PRDM2: variants seen among roughly 807,000 people sequenced by gnomAD.
PRDM2 encodes the protein PR/SET domain 2, also known as PR domain zinc finger protein 2.
A neutral mutation model predicts 130.0 loss-of-function variants in PRDM2; 30 were observed. The ratio of observed to expected loss-of-function variants is 0.23; its 90% CI spans 0.17 to 0.31. The LOEUF is 0.31. Among genes scored for constraint, PRDM2 ranks in the 10% least tolerant of loss-of-function variants. The pLI, the probability that PRDM2 is intolerant of heterozygous loss-of-function variation, is 1.00. For missense variants in PRDM2, 2,011 were observed against 2,108.4 expected (o/e 0.95, Z 0.90); for synonymous variants, 871 against 782.4 (o/e 1.11, Z -1.89).
intron 4 of PRDM2, 81 bp downstream of exon 4, chr1:13,732,963 T>C: frequency 1.0e-6 from 1 of 995,358 alleles, no homozygotes; most frequent in Non-Finnish European, 1.5e-6. Flanking sequence ...ACATTTTGAA[T>C]TTAAAACAAT....
chr1:13,747,769 C>CAAA lies in PRDM2; in HGVS notation c.385-1574_385-1572dup, dbSNP rs78988090. The stretch of plus-strand genomic sequence containing the variant: ...ACCGTAGGTGGAATCTCCCTCCCCG[C>CAAA]AAAAAAAAAAAAAAAAAAAAGAAAC... On this transcript the variant is annotated intron_variant, in intron 5 of 9. Coordinates refer to ENST00000311066, the MANE Select transcript of PRDM2 (RefSeq NM_001393986.1). Among the ~76,000 whole-genome samples the CAAA allele has an allele frequency of 5.2e-4, 25 of 48,352 alleles. 1 individual carries two copies. The highest frequency in any genetic ancestry group is 1.2e-3 in the East Asian group (2 of 1,640). The allele number at this position is 48,352 out of a possible 152,430, so 31.7% of individuals were successfully genotyped here.
chr1:13,758,412 A>C lies in PRDM2; in HGVS notation c.511+8925A>C, dbSNP rs1014540778. 3.2e-4 allele frequency among the ~76,000 whole-genome samples: 48 copies of C among 148,982 alleles called. 1 individual carries two copies. Among genetic ancestry groups the C allele is most frequent in the African/African-American group, 1.2e-3 (48 of 40,308 alleles). On this transcript the variant is annotated intron_variant, in intron 6 of 9. Transcript: ENST00000311066. ...CAGTGAGCCGAGATCGCACCACTGC[A>C]CTCCAGCCTGGGCAGCAGAGTGAGA...
At chr1:13,763,864 A>G (rs1644162017) in intron 6 of PRDM2, among the ~76,000 whole-genome samples, 2 of 151,998 alleles carry the variant, frequency 1.3e-5, no homozygotes, top group Admixed American at 6.5e-5. Context: ...TATCCTCTTG[A>G]TTTTCCTTAA....
intron 8 of PRDM2, chr1:13,786,371 C>A (rs1644739760): frequency 2.7e-6 from 3 of 1,103,550 alleles, no homozygotes; most frequent in Admixed American, 4.6e-5. Context: ...GGGTAGGACG[C>A]TCGTTCCTAA....
At chr1:13,726,978 A>G (rs144177741) in intron 2 of PRDM2, among the ~76,000 whole-genome samples, 105 of 152,108 alleles carry the variant, frequency 6.9e-4, no homozygotes, top group African/African-American at 2.5e-3. Context: ...GATGACTTCT[A>G]TTCTGCTTAT....
intron 1 of PRDM2, among the ~76,000 whole-genome samples, chr1:13,709,530 G>A (rs1423596104): frequency 1.3e-5 from 2 of 152,280 alleles, no homozygotes; most frequent in East Asian, 1.9e-4. Flanking sequence ...AGTGTTAGAC[G>A]ACACTACAAA....
chr1:13,767,928 A>G (rs1405698073), intron 6 of PRDM2, among the ~76,000 whole-genome samples: 1 of 152,070 alleles, frequency 6.6e-6, no homozygotes, highest in Non-Finnish European at 1.5e-5. Flanking sequence ...GTGAATCGAG[A>G]TCATGCCATC....
At chr1:13,797,735 C>T (rs569472188) in intron 8 of PRDM2, among the ~76,000 whole-genome samples, 4 of 152,278 alleles carry the variant, frequency 2.6e-5, no homozygotes, top group Middle Eastern at 3.4e-3. Context: ...TAAAAAATCA[C>T]CTGGGTGATT....
chr1:13,759,271 A>G (rs1288118364), intron 6 of PRDM2, among the ~76,000 whole-genome samples: 5 of 151,854 alleles, frequency 3.3e-5, no homozygotes, highest in South Asian at 2.1e-4. Flanking sequence ...GAAACACCAC[A>G]TGCCAGAAAA....
At position 13,805,500 on chromosome 1, in the gene PRDM2, C is replaced by CCTGGAGGTGGCTGAGGGCCGAT. The variant is rs561933457; in HGVS notation, c.5037-10926_5037-10905dup. On this transcript the variant is annotated intron_variant, in intron 8 of 9. Coordinates refer to ENST00000311066, the MANE Select transcript of PRDM2 (RefSeq NM_001393986.1). ...GGTCCTGCAGTGGATGTCGACTGTT[C>CCTGGAGGTGGCTGAGGGCCGAT]CTGGAGGTGGCTGAGGGCCGATGGC... is the stretch of plus-strand genomic sequence containing the variant. Among the ~76,000 whole-genome samples, 72 of 152,228 alleles carry CCTGGAGGTGGCTGAGGGCCGAT rather than the reference C, an allele frequency of 4.7e-4. No homozygotes were observed. In the East Asian group the frequency reaches 0.013, roughly 27 times the overall value.
chr1:13,793,820 CAAA>C (rs1557664033), intron 8 of PRDM2, among the ~76,000 whole-genome samples: 2 of 151,742 alleles, frequency 1.3e-5, no homozygotes, highest in African/African-American at 4.8e-5. Context: ...TGAGCTAAAA[CAAA>C]AGAAAGATAT....
rs1291931816 is a variant in PRDM2 at position 13,779,011 on chromosome 1, C to T, written c.1216C>T (p.Arg406Trp). 4 of 1,614,140 alleles carry T rather than the reference C, an allele frequency of 2.5e-6. No individual in the cohort carries two copies. Among genetic ancestry groups the T allele is most frequent in the Admixed American group, 1.7e-5 (1 of 60,024 alleles). ...AGCCTTTGGCACACAGATTAACCGG[C>T]GGCGACATGAGCGGCGCCATGAAGC... The part of the protein sequence containing the change: ...GKAFGTQINR[R>W]RHERRHEAGL... Residue 406 changes from arginine to tryptophan, a missense_variant, in exon 8 of 10, where the codon CGG (arginine) becomes TGG (tryptophan). Arg to Trp is a moderately radical substitution (Grantham distance 101). Around this residue, in one of 5 missense-constraint regions of PRDM2, gnomAD observed 1,288 missense variants for 1,237.7 expected, o/e 1.04. Coordinates refer to ENST00000311066, the MANE Select transcript of PRDM2 (RefSeq NM_001393986.1). The surrounding 1 kb of genome is among the most constrained non-coding windows in gnomAD (Gnocchi z 4.9).
In PRDM2 at chr1:13,715,597, G is replaced by A. The variant is rs767086807; in HGVS notation, c.-9G>A. 25 of 1,590,866 alleles carry A rather than the reference G, an allele frequency of 1.6e-5. No individual in the cohort carries two copies. Among genetic ancestry groups the A allele is most frequent in the Admixed American group, 8.9e-5 (5 of 56,104 alleles). On this transcript the variant is annotated 5_prime_UTR_variant, in exon 2 of 10. Coordinates refer to ENST00000311066, the MANE Select transcript of PRDM2 (RefSeq NM_001393986.1). ...TGTGTATCTTTACAGAACACAACAG[G>A]AATTGAAAATGAATCAGGTGAGTTT...
At chr1:13,723,480 A>G (rs1642800558) in intron 2 of PRDM2, among the ~76,000 whole-genome samples, 1 of 152,178 alleles carries the variant, frequency 6.6e-6, no homozygotes, top group African/African-American at 2.4e-5. Context: ...GGCAATGGGA[A>G]CTGGAGAAAG....
chr1:13,779,465 A>G lies in PRDM2; in HGVS notation c.1670A>G (p.Asp557Gly), dbSNP rs1384453035. 1 of 1,614,126 alleles carries G rather than the reference A, an allele frequency of 6.2e-7. No individual in the cohort carries two copies. Among genetic ancestry groups the G allele is most frequent in the Non-Finnish European group, 8.5e-7 (1 of 1,179,970 alleles). Reference sequence around the variant, plus strand: ...GAAGCAGATGATGTGTACATCATGGACATTTCTAGCAATATCTCTGAAAAC... The same window carrying G: ...GAAGCAGATGATGTGTACATCATGGGCATTTCTAGCAATATCTCTGAAAAC... Reference protein sequence around the residue: ...EGEADDVYIMDISSNISENLN... With the variant: ...EGEADDVYIMGISSNISENLN... The change falls in exon 8 of 10, where the codon GAC (aspartate) becomes GGC (glycine). Residue 557 changes from aspartate to glycine, a missense_variant. Around this residue, in one of 5 missense-constraint regions of PRDM2, gnomAD observed 1,288 missense variants for 1,237.7 expected, o/e 1.04. Transcript: ENST00000311066. This position sits in a 1 kb window ranked among gnomAD's most constrained non-coding sequence, Gnocchi z 4.9.
chr1:13,756,926 C>T (rs142961223), intron 6 of PRDM2, among the ~76,000 whole-genome samples: 48 of 152,246 alleles, frequency 3.2e-4, no homozygotes, highest in African/African-American at 1.1e-3. Flanking sequence ...GTGCTTTGGC[C>T]GAGTTCACAC....
chr1:13,739,294 C>T (rs551350617), intron 4 of PRDM2, among the ~76,000 whole-genome samples: 13 of 152,172 alleles, frequency 8.5e-5, no homozygotes, highest in Admixed American at 2.0e-4. Flanking sequence ...TGATTCCTCC[C>T]GTCTCGGCCT....
At chr1:13,785,212 T>C (rs1644709367) in intron 8 of PRDM2, among the ~76,000 whole-genome samples, 1 of 152,222 alleles carries the variant, frequency 6.6e-6, no homozygotes, top group Non-Finnish European at 1.5e-5. Flanking sequence ...TAGTTCTACT[T>C]GTAAATTTCG....
At chr1:13,816,361 C>G in intron 8 of PRDM2, 66 bp from the exon 9 acceptor site, 7 of 1,587,410 alleles carry the variant, frequency 4.4e-6, no homozygotes, top group Non-Finnish European at 5.2e-6. Flanking sequence ...GGAAGCCCCC[C>G]CAGCAATGTC....
Sources: gnomAD v4.1 joint callset for allele counts (sites outside exome capture counted in the v4.1 genomes callset) on GRCh38, gnomAD v4.1.1 for gene constraint, gnomAD v4.1.1 regional missense constraint, Gnocchi (gnomAD v3.1) non-coding constraint, MANE v1.5 for transcripts, NCBI Gene and HGNC (gene_info 2026-07-23, HGNC 2026-07-21) for gene names.